Variants in MDGA2 observed in about 807,000 individuals in gnomAD.
MDGA2 encodes MAM domain containing glycosylphosphatidylinositol anchor 2, also known as MAM domain-containing glycosylphosphatidylinositol anchor protein 2.
Under a neutral mutation model 117.8 loss-of-function variants are expected in MDGA2, and 40 were observed. The observed-to-expected ratio is 0.34, with a 90% CI of 0.26 to 0.44. The LOEUF is 0.44. Ranked by LOEUF, MDGA2 falls within the 20% of genes least tolerant of loss-of-function variation. MDGA2 has a pLI of 1.00. For synonymous variants in MDGA2, 452 were observed against 439.0 expected, an observed-to-expected ratio of 1.03 and a Z score of -0.37; for missense variants, 1,123 against 1,250.6, an observed-to-expected ratio of 0.90 and a Z score of 1.54.
chr14:47,332,572 T>C (rs911825715), intron 1 of MDGA2, among the ~76,000 whole-genome samples: 5 of 152,020 alleles, frequency 3.3e-5, no homozygotes, highest in Admixed American at 1.3e-4. Context: ...AATTCAAAAC[T>C]AAACACTAAG....
At chr14:47,306,842 G>A (rs370083398) in intron 1 of MDGA2, among the ~76,000 whole-genome samples, 5 of 146,596 alleles carry the variant, frequency 3.4e-5, no homozygotes, top group Admixed American at 6.7e-5. Flanking sequence ...AGAGAAAGAG[G>A]GAGAGAGAGA....
At chr14:47,026,059 C>T (rs1360070752) in intron 8 of MDGA2, among the ~76,000 whole-genome samples, 1 of 152,104 alleles carries the variant, frequency 6.6e-6, no homozygotes, top group Non-Finnish European at 1.5e-5. Context: ...ATTAGTGTCA[C>T]ATAATATAAC....
chr14:47,322,076 G>C (rs1429488430), intron 1 of MDGA2, among the ~76,000 whole-genome samples: 4 of 152,162 alleles, frequency 2.6e-5, no homozygotes, highest in African/African-American at 4.8e-5. Context: ...GAGAAAGAGA[G>C]AGACAGAGAC....
chr14:47,379,415 C>A (rs1224784275), intron 1 of MDGA2, among the ~76,000 whole-genome samples: 1 of 152,154 alleles, frequency 6.6e-6, no homozygotes, highest in African/African-American at 2.4e-5. Flanking sequence ...TTAAAAGACA[C>A]AGACTGGCAA....
intron 1 of MDGA2, among the ~76,000 whole-genome samples, chr14:47,605,335 T>C (rs1896723235): frequency 6.6e-6 from 1 of 152,224 alleles, no homozygotes; most frequent in Non-Finnish European, 1.5e-5. Context: ...TGTTTGTATA[T>C]GTGTGCATAT....
intron 6 of MDGA2, among the ~76,000 whole-genome samples, chr14:47,074,118 T>C (rs1890399104): frequency 7.0e-6 from 1 of 141,908 alleles, no homozygotes; most frequent in Non-Finnish European, 1.5e-5. Context: ...TTAATTAATT[T>C]AATTAATCAT....
intron 2 of MDGA2, among the ~76,000 whole-genome samples, chr14:47,277,436 A>G (rs1273926919): frequency 6.6e-6 from 1 of 152,240 alleles, no homozygotes; most frequent in East Asian, 1.9e-4. Context: ...GCTCTAGCAG[A>G]TATTCCCTAA....
intron 1 of MDGA2, among the ~76,000 whole-genome samples, chr14:47,601,713 C>T (rs1457334536): frequency 6.6e-6 from 1 of 151,984 alleles, no homozygotes; most frequent in Non-Finnish European, 1.5e-5. Context: ...TTTTTTCATT[C>T]CCATTTCAGT....
chr14:47,643,217 C>CA (rs1897462488), intron 1 of MDGA2, among the ~76,000 whole-genome samples: 1 of 151,996 alleles, frequency 6.6e-6, no homozygotes, highest in African/African-American at 2.4e-5. Flanking sequence ...TATTCATAAG[C>CA]AAAAAATTTT....
chr14:47,464,371 C>A (rs545787972), intron 1 of MDGA2, among the ~76,000 whole-genome samples: 11 of 152,040 alleles, frequency 7.2e-5, no homozygotes, highest in African/African-American at 2.4e-4. Flanking sequence ...TAAAGGATAT[C>A]CAAATAGGAA....
At chr14:47,121,390 A>G (rs1470193699) in intron 5 of MDGA2, among the ~76,000 whole-genome samples, 1 of 152,096 alleles carries the variant, frequency 6.6e-6, no homozygotes, top group African/African-American at 2.4e-5. Context: ...ATAGTAATAT[A>G]ATTTACATTA....
chr14:47,540,277 T>G (rs1045788426), intron 1 of MDGA2, among the ~76,000 whole-genome samples: 13 of 152,020 alleles, frequency 8.6e-5, no homozygotes, highest in Admixed American at 1.3e-4. Flanking sequence ...CCTCCCAAAG[T>G]GCTGGGATTA....
rs568425176 is a variant in MDGA2, at chr14:47,474,606, C to G, written c.281-173056G>C. ...AACTATACTACAATGCTACAGTAAC[C>G]AAAACGTCACGGTACTGGTCCAAAA... On this transcript the variant is annotated intron_variant, in intron 1 of 16. Coordinates refer to ENST00000399232, the MANE Select transcript of MDGA2 (RefSeq NM_001113498.3). 5.3e-5 allele frequency among the ~76,000 whole-genome samples: 8 copies of G among 152,206 alleles called. No individual in the cohort carries two copies. In the South Asian group the frequency reaches 1.7e-3, roughly 32 times the overall value.
chr14:46,942,990 G>A (rs1421784446), intron 9 of MDGA2, among the ~76,000 whole-genome samples: 1 of 151,918 alleles, frequency 6.6e-6, no homozygotes, highest in South Asian at 2.1e-4. Flanking sequence ...GAATAAATGG[G>A]TATTAAAATC....
chr14:47,035,185 C>T lies in MDGA2; in HGVS notation c.1645G>A (p.Ala549Thr), dbSNP rs372281925. 16 of 1,614,176 alleles carry T rather than the reference C, an allele frequency of 9.9e-6. No individual in the cohort carries two copies. In the African/African-American group the frequency reaches 1.7e-4, roughly 17 times the overall value. ...TCAGGCATTGCAACTTCTTTATCCG[C>T]TCTAGACCAAAGGATGATTGGTTTA... is the stretch of plus-strand genomic sequence containing the variant. ...KPKPIILWSR[A>T]DKEVAMPDGS... The change falls in exon 8 of 17, where the codon GCG becomes ACG. Residue 549 changes from alanine to threonine, a missense_variant. By Grantham distance (58) the Ala-to-Thr change is moderately conservative. Transcript: ENST00000399232.
At chr14:46,954,383 C>A (rs748392076) in intron 9 of MDGA2, among the ~76,000 whole-genome samples, 1 of 151,910 alleles carries the variant, frequency 6.6e-6, no homozygotes, top group Non-Finnish European at 1.5e-5. Flanking sequence ...AAGACTGCCA[C>A]GACAAACAGC....
chr14:47,157,588 T>C (rs533696899), intron 3 of MDGA2, among the ~76,000 whole-genome samples: 1 of 145,046 alleles, frequency 6.9e-6, no homozygotes, highest in South Asian at 2.2e-4. Context: ...TTAAACTATG[T>C]ACATATATGT....
intron 8 of MDGA2, among the ~76,000 whole-genome samples, chr14:46,992,640 T>C (rs1001538394): frequency 6.6e-6 from 1 of 152,174 alleles, no homozygotes; most frequent in Admixed American, 6.6e-5. Context: ...ATCATTCAGA[T>C]CATTTGTTGG....
chr14:46,950,706 TCTTA>T (rs1386778705), intron 9 of MDGA2, among the ~76,000 whole-genome samples: 1 of 151,986 alleles, frequency 6.6e-6, no homozygotes, highest in African/African-American at 2.4e-5. Flanking sequence ...TTTAGACTGC[TCTTA>T]CTTCTGATAG....
Sources: gnomAD v4.1 joint callset for allele counts (sites outside exome capture counted in the v4.1 genomes callset) on GRCh38, gnomAD v4.1.1 for gene constraint, MANE v1.5 for transcripts, NCBI Gene and HGNC (gene_info 2026-07-23, HGNC 2026-07-21) for gene names.